The following TLL1 variants were observed in gnomAD, a reference collection of about 807,000 sequenced individuals.
The protein encoded by TLL1 is tolloid like 1, also known as tolloid-like protein 1.
A neutral mutation model predicts 128.2 loss-of-function variants in TLL1; 49 were observed. The ratio of observed to expected loss-of-function variants is 0.38; its 90% confidence interval spans 0.30 to 0.48. The LOEUF (loss-of-function observed/expected upper bound fraction) is 0.48, where lower values mean the gene tolerates loss of function less well. Among genes scored for constraint, TLL1 ranks in the 20% least tolerant of loss-of-function variants. TLL1 has a pLI of 0.96. For missense variants in TLL1, 1,123 were observed against 1,242.0 expected (o/e 0.90, Z 1.44); for synonymous variants, 454 against 418.8 (o/e 1.08, Z -1.03).
At chr4:165,874,165 C>A in intron 1 of TLL1, 92 bp downstream of exon 1, 1 of 1,495,280 alleles carries the variant, frequency 6.7e-7, no homozygotes, top group Non-Finnish European at 9.3e-7. Flanking sequence ...CTGTTTCCTT[C>A]CCTCCCGCGT....
intron 5 of TLL1, among the ~76,000 whole-genome samples, chr4:165,997,680 A>G (rs78078814): frequency 6.6e-6 from 1 of 152,150 alleles, no homozygotes; most frequent in African/African-American, 2.4e-5. Context: ...TTTATTGGTA[A>G]CTTTTCTGTA....
chr4:165,999,679 G>C (rs1579603167), intron 5 of TLL1, among the ~76,000 whole-genome samples: 1 of 145,896 alleles, frequency 6.9e-6, no homozygotes, highest in East Asian at 2.0e-4. Flanking sequence ...TCACCATGTT[G>C]CCCAGGCTGG....
rs184935819 is a variant in TLL1 at position 165,919,265 on chromosome 4, C to T, written c.169+45192C>T. 1.3e-4 allele frequency among the ~76,000 whole-genome samples: 20 copies of T among 151,560 alleles called. 1 individual carries two copies. In the East Asian group the frequency reaches 3.1e-3, roughly 24 times the overall value. On this transcript the variant is annotated intron_variant, in intron 1 of 20. Coordinates refer to ENST00000061240, the MANE Select transcript of TLL1 (RefSeq NM_012464.5). Reference sequence around the variant, plus strand: ...AGCTGTGTTGGTGTGCACCTGTAGTCCCAACTACTTGGGAGGCTGAAGCAG... The same window carrying T: ...AGCTGTGTTGGTGTGCACCTGTAGTTCCAACTACTTGGGAGGCTGAAGCAG...
intron 14 of TLL1, among the ~76,000 whole-genome samples, chr4:166,058,588 C>T (rs911928984): frequency 2.0e-5 from 3 of 151,910 alleles, no homozygotes; most frequent in African/African-American, 4.8e-5. Context: ...TTTATTTTCC[C>T]TGCCTCCACC....
chr4:165,905,130 A>G (rs553407391), intron 1 of TLL1, among the ~76,000 whole-genome samples: 131 of 152,332 alleles, frequency 8.6e-4, no homozygotes, highest in Admixed American at 3.1e-3. Context: ...AAGCAATACA[A>G]TTTTGGAAGA....
chr4:166,030,301 A>G (rs531195451), intron 9 of TLL1, among the ~76,000 whole-genome samples: 22 of 152,220 alleles, frequency 1.4e-4, no homozygotes, highest in African/African-American at 5.1e-4. Context: ...CCATTTGTAT[A>G]TCGTCCTTGT....
In TLL1 at chr4:165,873,485, G is replaced by A. The variant is rs1730581800; in HGVS notation, c.-420G>A. The A allele has an allele frequency of 6.5e-6, 1 of 153,514 alleles. No homozygotes were observed. Among genetic ancestry groups the A allele is most frequent in the African/African-American group, 2.4e-5 (1 of 41,548 alleles). The allele number at this position is 153,514 out of a possible 1,614,324, so 9.5% of individuals were successfully genotyped here. A position where few individuals can be genotyped will look rare whatever the true frequency, so the allele number is the denominator to read the frequency against. ...GCGGAGTCCTGGCAGCAGCGGGGAC[G>A]CGGCGCGGGAGTCCGAGCTCTGGTG... is the stretch of plus-strand genomic sequence containing the variant. On this transcript the variant is annotated 5_prime_UTR_variant, in exon 1 of 21. Coordinates refer to ENST00000061240, the MANE Select transcript of TLL1 (RefSeq NM_012464.5).
intron 1 of TLL1, among the ~76,000 whole-genome samples, chr4:165,879,696 G>T (rs1005286758): frequency 6.6e-6 from 1 of 151,748 alleles, no homozygotes; most frequent in Non-Finnish European, 1.5e-5. Flanking sequence ...TTAAAATGAG[G>T]CATTGCACAT....
intron 19 of TLL1, among the ~76,000 whole-genome samples, chr4:166,093,234 C>G (rs1741858801): frequency 6.6e-6 from 1 of 152,122 alleles, no homozygotes; most frequent in Non-Finnish European, 1.5e-5. Flanking sequence ...TGAGTTCTCT[C>G]AGTTTTTATT....
intron 20 of TLL1, among the ~76,000 whole-genome samples, chr4:166,100,352 A>G (rs1158466963): frequency 6.6e-6 from 1 of 152,134 alleles, no homozygotes. Context: ...GCTCTGCTCC[A>G]GAGCAGCTTC....
chr4:166,061,351 T>G (rs1740305332), intron 15 of TLL1, among the ~76,000 whole-genome samples: 1 of 151,570 alleles, frequency 6.6e-6, no homozygotes, highest in Non-Finnish European at 1.5e-5. Flanking sequence ...GTTCAAACAA[T>G]TCTTCCTGCC....
chr4:166,039,992 G>T (rs1212565481), intron 10 of TLL1, among the ~76,000 whole-genome samples: 2 of 152,214 alleles, frequency 1.3e-5, no homozygotes, highest in Non-Finnish European at 2.9e-5. Flanking sequence ...GTCATAAACT[G>T]TAGCTCAGAT....
At chr4:166,046,835 A>G (rs1241417292) in intron 12 of TLL1, among the ~76,000 whole-genome samples, 2 of 152,186 alleles carry the variant, frequency 1.3e-5, no homozygotes, top group African/African-American at 4.8e-5. Context: ...GGAGCAATGA[A>G]TCAGTACTTG....
chr4:166,079,047 TGTAA>T (rs1741167719), intron 18 of TLL1, among the ~76,000 whole-genome samples: 1 of 152,294 alleles, frequency 6.6e-6, no homozygotes, highest in East Asian at 1.9e-4. Flanking sequence ...TCTCTATACT[TGTAA>T]GTGACTTCCC....
intron 1 of TLL1, among the ~76,000 whole-genome samples, chr4:165,934,306 T>G (rs915952433): frequency 6.6e-6 from 1 of 151,592 alleles, no homozygotes; most frequent in African/African-American, 2.4e-5. Flanking sequence ...TGAGCCACCA[T>G]GCTTGGCCTC....
chr4:166,071,968 A>T (rs956121959), intron 16 of TLL1, among the ~76,000 whole-genome samples: 3 of 151,940 alleles, frequency 2.0e-5, no homozygotes, highest in East Asian at 1.9e-4. Context: ...AAATACCAAA[A>T]TTTTTTTAGT....
chr4:166,041,973 G>A (rs978298028), intron 10 of TLL1, 54 bp from the exon 11 acceptor site: 12 of 1,235,748 alleles, frequency 9.7e-6, no homozygotes, highest in Admixed American at 5.1e-5. Context: ...CAAAAAGAAC[G>A]TAGAATATAG....
intron 19 of TLL1, among the ~76,000 whole-genome samples, chr4:166,093,428 G>C (rs1374824737): frequency 2.0e-5 from 3 of 152,196 alleles, no homozygotes; most frequent in Non-Finnish European, 2.9e-5. Flanking sequence ...AAACATCTCA[G>C]TGGAGTAAAG....
chr4:166,091,130 C>T lies in TLL1; in HGVS notation c.2445C>T (p.Ala815=). 2 of 1,610,346 alleles carry T rather than the reference C, an allele frequency of 1.2e-6. No individual in the cohort carries two copies. Among genetic ancestry groups the T allele is most frequent in the Non-Finnish European group, 1.7e-6 (2 of 1,178,390 alleles). ...ATTATTTCTTCTTTTTAAAAAAGGCCTTTAGTGAATTTGAGATTGAGCAGC... is the reference window on the plus strand; with the variant it reads ...ATTATTTCTTCTTTTTAAAAAAGGCTTTTAGTGAATTTGAGATTGAGCAGC... ...SATPGHRIKL[A]FSEFEIEQHQ... is the part of the protein sequence containing the mutation. Residue 815 remains alanine, a splice_region_variant and synonymous_variant, in exon 19 of 21, where the codon GCC becomes GCT. Coordinates refer to ENST00000061240, the MANE Select transcript of TLL1 (RefSeq NM_012464.5).
Sources: allele counts gnomAD v4.1 joint callset (sites outside exome capture counted in the v4.1 genomes callset), GRCh38; gene constraint gnomAD v4.1.1; transcripts MANE v1.5; gene names NCBI Gene and HGNC (gene_info 2026-07-23, HGNC 2026-07-21).